Variants in PSG6 observed in about 807,000 individuals in gnomAD.
The protein encoded by PSG6 is pregnancy specific beta-1-glycoprotein 6, also known as pregnancy-specific beta-1-glycoprotein 6.
A neutral mutation model predicts 43.3 loss-of-function variants in PSG6; 51 were observed. That is an observed-to-expected ratio of 1.18 (90% CI 0.94 to 1.49). The LOEUF (loss-of-function observed/expected upper bound fraction) is 1.49, where lower values mean the gene tolerates loss of function less well. Among genes scored for constraint, PSG6 ranks in the 40% most tolerant of loss-of-function variants. The pLI is 0.00. For missense variants in PSG6, 770 were observed against 522.2 expected, an observed-to-expected ratio of 1.47 and a Z score of -4.62; for synonymous variants, 292 against 197.6, an observed-to-expected ratio of 1.48 and a Z score of -4.01.
chr19:42,910,704 C>A lies in PSG6; in HGVS notation c.582G>T (p.Leu194=), dbSNP rs1179976497. Residue 194 remains leucine, a synonymous_variant, in exon 3 of 6, where the codon CTG becomes CTT. Coordinates refer to ENST00000187910, the MANE Select transcript of PSG6 (RefSeq NM_001031850.4). ...GATAGAGGGTCCTGTTGGTTTTGGA[C>A]AGCTGCAACCTGTGAGTCATAGGGA... ...QNLPMTHRLQ[L]SKTNRTLYLF... 6.2e-7 allele frequency: 1 copy of A among 1,612,362 alleles called. No homozygotes were observed. The highest frequency in any genetic ancestry group is 8.5e-7 in the Non-Finnish European group (1 of 1,179,266).
chr19:42,916,761 G>C (rs920006847), intron 1 of PSG6, among the ~76,000 whole-genome samples: 7 of 150,878 alleles, frequency 4.6e-5, no homozygotes, highest in African/African-American at 1.5e-4. Context: ...TCTTCCCCAG[G>C]GGTCCGCACG....
At chr19:42,913,596 C>G (rs1282862287) in intron 2 of PSG6, among the ~76,000 whole-genome samples, 1 of 151,740 alleles carries the variant, frequency 6.6e-6, no homozygotes, top group Non-Finnish European at 1.5e-5. Context: ...AGCTCCATAG[C>G]AGGTTGAGGA....
At chr19:42,914,793 G>T (rs571120572) in intron 2 of PSG6, among the ~76,000 whole-genome samples, 1 of 151,644 alleles carries the variant, frequency 6.6e-6, no homozygotes. Flanking sequence ...CACTGGGCCT[G>T]TGCTGAGGCA....
At chr19:42,915,230 C>T (rs1171215928) in intron 2 of PSG6, 1 of 143,038 alleles carries the variant, frequency 7.0e-6, no homozygotes, top group Non-Finnish European at 1.5e-5. Flanking sequence ...ATCAAATGAG[C>T]TAAATGGCAA....
At chr19:42,907,909 A>G (rs1369959280) in intron 3 of PSG6, 55 bp from the exon 4 acceptor site, 8 of 1,592,310 alleles carry the variant, frequency 5.0e-6, no homozygotes, top group South Asian at 2.3e-5. Context: ...CTCCACAGGC[A>G]TCCTTCATTC....
At chr19:42,906,733 T>C in intron 5 of PSG6, 189 bp downstream of exon 5, 1 of 1,534,066 alleles carries the variant, frequency 6.5e-7, no homozygotes, top group Non-Finnish European at 8.8e-7. Context: ...AGGTCAGCCA[T>C]GAGAAAACAG....
chr19:42,916,264 T>A lies in PSG6; in HGVS notation c.288A>T (p.Gly96=). 1 of 1,612,238 alleles carries A rather than the reference T, an allele frequency of 6.2e-7. No individual in the cohort carries two copies. The highest frequency in any genetic ancestry group is 8.5e-7 in the Non-Finnish European group (1 of 1,179,128). ...GQIIYGPAYS[G]RETVYSNASL... is the part of the protein sequence containing the mutation. ...ATGCATTGGAATATACTGTTTCTCG[T>A]CCACTGTAGGCAGGCCCATATATAA... The change falls in exon 2 of 6, where the codon GGA becomes GGT. Residue 96 remains glycine (G), a synonymous_variant. Coordinates refer to ENST00000187910, the MANE Select transcript of PSG6 (RefSeq NM_001031850.4).
intron 2 of PSG6, 117 bp downstream of exon 2, chr19:42,916,008 G>T: frequency 6.5e-7 from 1 of 1,537,384 alleles, no homozygotes; most frequent in Non-Finnish European, 8.9e-7. Flanking sequence ...CCAAACCCCA[G>T]CATGGGACAT....
At chr19:42,907,506 A>G in intron 4 of PSG6, 70 bp downstream of exon 4, 1 of 1,595,418 alleles carries the variant, frequency 6.3e-7, no homozygotes, top group Non-Finnish European at 8.5e-7. Context: ...AGAGAGACTG[A>G]GAGGCCTGGC....
chr19:42,906,080 C>G (rs532461289), intron 5 of PSG6, among the ~76,000 whole-genome samples: 1 of 151,306 alleles, frequency 6.6e-6, no homozygotes, highest in Non-Finnish European at 1.5e-5. Flanking sequence ...GTGGTCTTGC[C>G]CTCTCTATAA....
rs564522346 is a variant in PSG6, at chr19:42,907,088, G to A, written c.1074C>T (p.Asn358=). The A allele has an allele frequency of 8.7e-6, 14 of 1,612,720 alleles. No individual in the cohort carries two copies. The East Asian group carries it at 2.7e-4, about 31-fold the overall frequency. Residue 358 remains asparagine (N), a synonymous_variant, in exon 5 of 6, where the codon AAC becomes AAT. Transcript: ENST00000187910. Reference sequence around the variant, plus strand: ...TTGTCCAAGAATACTCTGCCGGTGGGTTAGAGTCCGCAAAGCAGGACAAGT... The same window carrying A: ...TTGTCCAAGAATACTCTGCCGGTGGATTAGAGTCCGCAAAGCAGGACAAGT... ...NLDLSCFADS[N]PPAEYSWTIN...
intron 3 of PSG6, among the ~76,000 whole-genome samples, chr19:42,908,144 C>T (rs1012821202): frequency 5.3e-5 from 8 of 151,618 alleles, no homozygotes; most frequent in African/African-American, 1.7e-4. Context: ...CCCTCCCAGT[C>T]CCTCCATAAT....
chr19:42,914,654 G>T (rs968559004), intron 2 of PSG6, among the ~76,000 whole-genome samples: 34 of 151,442 alleles, frequency 2.2e-4, no homozygotes, highest in Non-Finnish European at 2.9e-5. Flanking sequence ...TGAAGGACAA[G>T]GGACAGGTGT....
intron 1 of PSG6, among the ~76,000 whole-genome samples, chr19:42,917,267 C>A (rs544392776): frequency 1.3e-4 from 20 of 151,422 alleles, no homozygotes; most frequent in Non-Finnish European, 2.8e-4. Context: ...TTCAATGTGA[C>A]TTTCCTATTT....
At chr19:42,909,474 G>C (rs1428717545) in intron 3 of PSG6, among the ~76,000 whole-genome samples, 1 of 151,422 alleles carries the variant, frequency 6.6e-6, no homozygotes, top group East Asian at 1.9e-4. Flanking sequence ...TTCTGGTAGG[G>C]GTTGCATTGA....
intron 3 of PSG6, among the ~76,000 whole-genome samples, chr19:42,908,147 T>C (rs577457109): frequency 3.3e-5 from 5 of 151,632 alleles, no homozygotes; most frequent in Non-Finnish European, 7.4e-5. Context: ...TCCCAGTCCC[T>C]CCATAATCAG....
In PSG6 at chr19:42,916,201, T is replaced by A. The variant is rs1457548634; in HGVS notation, c.351A>T (p.Gly117=). The change falls in exon 2 of 6, where the codon GGA becomes GGT. Residue 117 remains glycine (G), a synonymous_variant. Transcript: ENST00000187910. ...LIQNVTQEDA[G]SYTLHIIKRG... ...GCTTTATGATGTGTAAGGTGTAGGA[T>A]CCTGCATCCTCCTGTGTGACATTCT... The A allele has an allele frequency of 1.9e-6, 3 of 1,612,246 alleles. No homozygotes were observed. In the South Asian group the frequency reaches 3.3e-5, roughly 18 times the overall value.
rs1207846384 is a variant in PSG6, at chr19:42,916,276, A to C, written c.276T>G (p.Pro92=). 9 of 1,612,012 alleles carry C rather than the reference A, an allele frequency of 5.6e-6. No homozygotes were observed. The highest frequency in any genetic ancestry group is 7.6e-6 in the Non-Finnish European group (9 of 1,179,090). The change falls in exon 2 of 6, where the codon CCT becomes CCG. Residue 92 remains proline (P), a synonymous_variant. Transcript: ENST00000187910. The part of the protein sequence containing the change: ...YVVHGQIIYG[P]AYSGRETVYS... ...ATACTGTTTCTCGTCCACTGTAGGC[A>C]GGCCCATATATAATTTGACCGTGTA...
In PSG6 at chr19:42,902,250, A is replaced by T; in HGVS notation, c.*162T>A. 1 of 970,550 alleles carries T rather than the reference A, an allele frequency of 1.0e-6. No individual in the cohort carries two copies. 60.1% of individuals were successfully genotyped at this position (970,550 alleles called of 1,614,324 possible). A position where few individuals can be genotyped will look rare whatever the true frequency, so the allele number is the denominator to read the frequency against. Reference sequence around the variant, plus strand: ...GAAAAAAAGTTCATAAATCTGGAGAATAAAACATTCCAAGAATCAGCACAT... The same window carrying T: ...GAAAAAAAGTTCATAAATCTGGAGATTAAAACATTCCAAGAATCAGCACAT... On this transcript the variant is annotated 3_prime_UTR_variant, in exon 6 of 6. Transcript: ENST00000187910.
Sources: allele counts gnomAD v4.1 joint callset (sites outside exome capture counted in the v4.1 genomes callset), GRCh38; gene constraint gnomAD v4.1.1; transcripts MANE v1.5; gene names NCBI Gene and HGNC (gene_info 2026-07-23, HGNC 2026-07-21).